PCDHA9: variants seen among roughly 807,000 people sequenced by gnomAD.
PCDHA9 encodes the protein protocadherin alpha-9.
Under a neutral mutation model 62.0 loss-of-function variants are expected in PCDHA9, and 62 were observed. The observed-to-expected ratio is 1.00, with a 90% confidence interval of 0.81 to 1.23. The LOEUF (loss-of-function observed/expected upper bound fraction) is 1.23. PCDHA9 is among the 50% of genes most tolerant of loss of function. PCDHA9 has a pLI of 0.00. For missense variants in PCDHA9, 1,205 were observed against 1,249.8 expected (o/e 0.96, Z 0.54); for synonymous variants, 557 against 567.6 (o/e 0.98, Z 0.27).
chr5:140,884,731 C>T (rs2060333216), intron 1 of PCDHA9: 2 of 1,449,296 alleles, frequency 1.4e-6, no homozygotes, highest in East Asian at 4.9e-5. Flanking sequence ...TTGTTTAAGA[C>T]ATCTTTCCTG....
intron 1 of PCDHA9, chr5:140,869,866 G>A (rs1165429955): frequency 1.9e-6 from 3 of 1,610,400 alleles, no homozygotes; most frequent in Non-Finnish European, 1.7e-6. Flanking sequence ...TATGGAAAAT[G>A]CTGCTAAAGA....
In PCDHA9 at chr5:140,856,020, G is replaced by C. The variant is rs782082828; in HGVS notation, c.2394+5131G>C. 111 of 1,553,262 alleles carry C rather than the reference G, an allele frequency of 7.1e-5. 11 individuals are homozygous for C. Among genetic ancestry groups the C allele is most frequent in the Non-Finnish European group, 9.5e-5 (109 of 1,143,834 alleles). ...TATGTGCGTTCTAGACCGCTGATTC[G>C]TCGATTTGTAAAACAAGAGAAGGAT... On this transcript the variant is annotated intron_variant, in intron 1 of 3. Coordinates refer to ENST00000532602, the MANE Select transcript of PCDHA9 (RefSeq NM_031857.2).
chr5:140,905,231 A>G (rs2071692761), intron 1 of PCDHA9, among the ~76,000 whole-genome samples: 1 of 152,180 alleles, frequency 6.6e-6, no homozygotes, highest in African/African-American at 2.4e-5. Flanking sequence ...AGAGATGAGG[A>G]TCCAGTTTCA....
chr5:140,978,427 GTTGCT>G (rs2096802128), intron 1 of PCDHA9, among the ~76,000 whole-genome samples: 1 of 152,196 alleles, frequency 6.6e-6, no homozygotes, highest in Non-Finnish European at 1.5e-5. Context: ...ACTGTTATCA[GTTGCT>G]GGTGTTATGA....
chr5:140,959,303 T>C (rs1467527270), intron 1 of PCDHA9, among the ~76,000 whole-genome samples: 1 of 151,938 alleles, frequency 6.6e-6, no homozygotes, highest in African/African-American at 2.4e-5. Flanking sequence ...CTGAGCCCGG[T>C]GGTTGAAGCT....
At chr5:140,862,824 G>C (rs1205805230) in intron 1 of PCDHA9, 1 of 571,890 alleles carries the variant, frequency 1.7e-6, no homozygotes, top group Non-Finnish European at 3.4e-6. Flanking sequence ...AGGTGAGAGC[G>C]CGCGACGCGG....
At chr5:140,880,083 A>G (rs1453702460) in intron 1 of PCDHA9, among the ~76,000 whole-genome samples, 2 of 152,242 alleles carry the variant, frequency 1.3e-5, no homozygotes, top group African/African-American at 4.8e-5. Context: ...TCAACCTATT[A>G]TAGTAGGCTT....
At position 140,971,724 on chromosome 5, in the gene PCDHA9, C is replaced by T. The variant is rs1489489083; in HGVS notation, c.2395-7225C>T. On this transcript the variant is annotated intron_variant, in intron 1 of 3. Coordinates refer to ENST00000532602, the MANE Select transcript of PCDHA9 (RefSeq NM_031857.2). ...CCCTGCTATATAGATATATGTATAT[C>T]ATACATATACACATACATATATCTC... 2.0e-5 allele frequency among the ~76,000 whole-genome samples: 3 copies of T among 151,776 alleles called. No homozygotes were observed. The East Asian group carries it at 5.8e-4, about 29-fold the overall frequency.
rs2150444436 is a variant in PCDHA9, at chr5:140,849,672, G to T, written c.1177G>T (p.Val393Phe). The change falls in exon 1 of 4, where the codon GTC becomes TTC. Residue 393 changes from valine (V) to phenylalanine (F), a missense_variant. This residue lies in a region of PCDHA9 where 887 missense variants were observed against 809.5 expected (regional missense o/e 1.10). Coordinates refer to ENST00000532602, the MANE Select transcript of PCDHA9 (RefSeq NM_031857.2). ...GQVTCSLTPH[V>F]PFKLVSTYKN... The stretch of plus-strand genomic sequence containing the variant: ...GGTTACCTGCTCCCTGACGCCCCAC[G>T]TCCCCTTCAAGCTGGTGTCCACCTA... 151 of 1,598,650 alleles carry T rather than the reference G, an allele frequency of 9.4e-5. 5 individuals carry two copies. The South Asian group carries it at 1.5e-3, about 16-fold the overall frequency.
intron 1 of PCDHA9, among the ~76,000 whole-genome samples, chr5:140,953,840 G>C (rs1429646408): frequency 6.6e-6 from 1 of 152,072 alleles, no homozygotes; most frequent in African/African-American, 2.4e-5. Flanking sequence ...TTGTTACCCA[G>C]GTAAACATGT....
chr5:140,990,869 G>A (rs2097420316), intron 3 of PCDHA9, among the ~76,000 whole-genome samples: 3 of 152,192 alleles, frequency 2.0e-5, no homozygotes, highest in African/African-American at 4.8e-5. Context: ...TGTATTTTAA[G>A]TGTATGTTCC....
intron 1 of PCDHA9, among the ~76,000 whole-genome samples, chr5:140,912,376 G>A (rs2075897019): frequency 6.6e-6 from 1 of 151,474 alleles, no homozygotes; most frequent in African/African-American, 2.4e-5. Context: ...TTGTAAAAGG[G>A]ATTGAGTTCT....
chr5:140,924,902 A>AAT (rs2082141904), intron 1 of PCDHA9, among the ~76,000 whole-genome samples: 1 of 39,026 alleles, frequency 2.6e-5, no homozygotes, highest in African/African-American at 7.6e-5. Flanking sequence ...CTCAAAAAAA[A>AAT]AAATAAAATA....
chr5:140,974,544 T>C (rs1393611069), intron 1 of PCDHA9, among the ~76,000 whole-genome samples: 1 of 152,232 alleles, frequency 6.6e-6, no homozygotes, highest in Non-Finnish European at 1.5e-5. Context: ...GGAGTTTTGC[T>C]CTTGTTGCCC....
chr5:140,924,996 T>G (rs960105846), intron 1 of PCDHA9, among the ~76,000 whole-genome samples: 1 of 151,078 alleles, frequency 6.6e-6, no homozygotes, highest in African/African-American at 2.4e-5. Flanking sequence ...ATCCTAGCAC[T>G]TTAGGAGGCT....
chr5:140,956,979 A>C (rs2153711830), intron 1 of PCDHA9, among the ~76,000 whole-genome samples: 1 of 152,346 alleles, frequency 6.6e-6, no homozygotes, highest in South Asian at 2.1e-4. Context: ...AATTTAAGTA[A>C]AATAAATTCA....
chr5:140,957,322 A>G (rs1356606026), intron 1 of PCDHA9, among the ~76,000 whole-genome samples: 4 of 152,202 alleles, frequency 2.6e-5, no homozygotes, highest in Admixed American at 2.0e-4. Context: ...AGGTGAGCAC[A>G]GTACAGTAAG....
At chr5:140,942,916 A>G (rs2093393160) in intron 1 of PCDHA9, among the ~76,000 whole-genome samples, 1 of 152,158 alleles carries the variant, frequency 6.6e-6, no homozygotes, top group Non-Finnish European at 1.5e-5. Context: ...GCGTGAAGAA[A>G]AAAAAAATTG....
At chr5:141,006,445 C>T (rs1202981865) in intron 3 of PCDHA9, among the ~76,000 whole-genome samples, 2 of 152,062 alleles carry the variant, frequency 1.3e-5, no homozygotes, top group Non-Finnish European at 2.9e-5. Context: ...AATCTCCTGA[C>T]CTCGAGATCT....
Sources: gnomAD v4.1 joint callset for allele counts (sites outside exome capture counted in the v4.1 genomes callset) on GRCh38, gnomAD v4.1.1 for gene constraint, gnomAD v4.1.1 regional missense constraint, MANE v1.5 for transcripts, NCBI Gene and HGNC (gene_info 2026-07-23, HGNC 2026-07-21) for gene names.